The following RCAN2 variants were observed in gnomAD, a reference collection of about 807,000 sequenced individuals.
RCAN2 encodes regulator of calcineurin 2.
RCAN2 carries 9 observed loss-of-function variants against 23.6 expected under a neutral mutation model. The ratio of observed to expected loss-of-function variants is 0.38; its 90% CI spans 0.23 to 0.67. RCAN2 has a LOEUF of 0.67. Among genes scored for constraint, RCAN2 ranks in the 30% least tolerant of loss-of-function variants. RCAN2 has a pLI of 0.51. For synonymous variants in RCAN2, 109 were observed against 115.7 expected, an observed-to-expected ratio of 0.94 and a Z score of 0.37; for missense variants, 273 against 302.3, an observed-to-expected ratio of 0.90 and a Z score of 0.72.
intron 3 of RCAN2, among the ~76,000 whole-genome samples, chr6:46,248,174 C>T (rs1766584756): frequency 6.6e-6 from 1 of 152,158 alleles, no homozygotes; most frequent in South Asian, 2.1e-4. Flanking sequence ...CCAAGAATTA[C>T]TCATTTCATT....
intron 1 of RCAN2, among the ~76,000 whole-genome samples, chr6:46,477,423 G>A (rs1768745834): frequency 6.6e-6 from 1 of 152,190 alleles, no homozygotes; most frequent in African/African-American, 2.4e-5. Flanking sequence ...GATGTTGTGT[G>A]CTGATGCCTG....
chr6:46,277,706 G>C (rs1441197844), intron 2 of RCAN2, among the ~76,000 whole-genome samples: 2 of 151,918 alleles, frequency 1.3e-5, no homozygotes, highest in East Asian at 3.9e-4. Flanking sequence ...ATGCCAGAGG[G>C]AGGCATAGAT....
chr6:46,308,806 A>T (rs1763153008), intron 2 of RCAN2, among the ~76,000 whole-genome samples: 1 of 152,138 alleles, frequency 6.6e-6, no homozygotes, highest in Admixed American at 6.6e-5. Flanking sequence ...AGTAGTTTGA[A>T]GTTACGAGGT....
intron 4 of RCAN2, among the ~76,000 whole-genome samples, chr6:46,231,633 C>T (rs975763704): frequency 6.6e-6 from 1 of 152,154 alleles, no homozygotes; most frequent in African/African-American, 2.4e-5. Context: ...TGGTCTCGAA[C>T]TCCTGATCTC....
intron 2 of RCAN2, among the ~76,000 whole-genome samples, chr6:46,318,197 C>T (rs1232119123): frequency 6.6e-6 from 1 of 152,094 alleles, no homozygotes; most frequent in Non-Finnish European, 1.5e-5. Flanking sequence ...TCACATATTT[C>T]TATAGAACTA....
chr6:46,312,202 C>G (rs755471588), intron 2 of RCAN2, among the ~76,000 whole-genome samples: 9 of 152,194 alleles, frequency 5.9e-5, no homozygotes, highest in Non-Finnish European at 1.3e-4. Context: ...AGTACAAGGA[C>G]ATGGTATCAG....
intron 2 of RCAN2, among the ~76,000 whole-genome samples, chr6:46,257,581 A>G (rs538002835): frequency 1.1e-4 from 17 of 152,272 alleles, no homozygotes; most frequent in African/African-American, 4.1e-4. Context: ...TTATGAAACC[A>G]TCAGATCTCG....
At chr6:46,264,418 T>C (rs1423553707) in intron 2 of RCAN2, among the ~76,000 whole-genome samples, 1 of 152,216 alleles carries the variant, frequency 6.6e-6, no homozygotes, top group Non-Finnish European at 1.5e-5. Context: ...CTTCTTATGA[T>C]TCAATCATTA....
chr6:46,235,109 C>G (rs181564875), intron 4 of RCAN2, among the ~76,000 whole-genome samples: 1 of 152,266 alleles, frequency 6.6e-6, no homozygotes, highest in Admixed American at 6.5e-5. Flanking sequence ...CTAAAATAAT[C>G]AGTATGATTA....
chr6:46,248,769 T>C lies in RCAN2; in HGVS notation c.353A>G (p.His118Arg). Reference sequence around the variant, plus strand: ...TTTTTTCCCTCTGAATTGGGTTTCATGAAGCTCTATCCTAGCTCGGGCTGC... The same window carrying C: ...TTTTTTCCCTCTGAATTGGGTTTCACGAAGCTCTATCCTAGCTCGGGCTGC... ...KSAARARIEL[H>R]ETQFRGKKLK... Residue 118 changes from histidine to arginine, a missense_variant, in exon 3 of 5, where the codon CAT becomes CGT. Coordinates refer to ENST00000371374, the MANE Select transcript of RCAN2 (RefSeq NM_001251974.2). 1 of 1,613,138 alleles carries C rather than the reference T, an allele frequency of 6.2e-7. No individual in the cohort carries two copies.
intron 2 of RCAN2, among the ~76,000 whole-genome samples, chr6:46,309,737 G>A (rs1763192857): frequency 6.6e-6 from 1 of 152,248 alleles, no homozygotes; most frequent in East Asian, 1.9e-4. Context: ...GTGGTCTGTG[G>A]GAAGGGACAC....
intron 2 of RCAN2, among the ~76,000 whole-genome samples, chr6:46,267,706 T>G (rs1212793137): frequency 6.6e-6 from 1 of 152,072 alleles, no homozygotes; most frequent in Non-Finnish European, 1.5e-5. Context: ...GTAAGAAATA[T>G]GAGAAATTGC....
In RCAN2 at chr6:46,491,184, C is replaced by G. The variant is rs1429999146; in HGVS notation, c.-14G>C. ...GTTACATAACCGACCTGCTGGGCGT[C>G]CGCGATGCGCCGGCGGAGGCGGAGG... On this transcript the variant is annotated 5_prime_UTR_variant, in exon 1 of 5. Coordinates refer to ENST00000371374, the MANE Select transcript of RCAN2 (RefSeq NM_001251974.2). 4 of 151,946 alleles carry G rather than the reference C, an allele frequency of 2.6e-5. No individual in the cohort carries two copies. The allele number at this position is 151,946 out of a possible 1,614,324, so 9.4% of individuals were successfully genotyped here. A position where few individuals can be genotyped will look rare whatever the true frequency, so the allele number is the denominator to read the frequency against.
intron 1 of RCAN2, among the ~76,000 whole-genome samples, chr6:46,472,712 C>G (rs1768599970): frequency 6.6e-6 from 1 of 152,136 alleles, no homozygotes; most frequent in Non-Finnish European, 1.5e-5. Flanking sequence ...TACCAAGTAT[C>G]TAGTACAGAC....
At chr6:46,478,329 A>G (rs1768767260) in intron 1 of RCAN2, among the ~76,000 whole-genome samples, 1 of 152,216 alleles carries the variant, frequency 6.6e-6, no homozygotes, top group Non-Finnish European at 1.5e-5. Context: ...AATAACAATG[A>G]TAGTGATATA....
intron 2 of RCAN2, among the ~76,000 whole-genome samples, chr6:46,420,038 T>G (rs914990796): frequency 6.6e-6 from 1 of 152,194 alleles, no homozygotes; most frequent in African/African-American, 2.4e-5. Flanking sequence ...AGACAAGACT[T>G]AAATTATTTT....
intron 2 of RCAN2, among the ~76,000 whole-genome samples, chr6:46,320,571 G>T (rs187632893): frequency 1.1e-4 from 16 of 152,286 alleles, no homozygotes; most frequent in African/African-American, 3.4e-4. Context: ...AATGCACAGA[G>T]CAGTAGGGGA....
intron 2 of RCAN2, among the ~76,000 whole-genome samples, chr6:46,280,682 T>C (rs2150338727): frequency 6.6e-6 from 1 of 152,328 alleles, no homozygotes; most frequent in Non-Finnish European, 1.5e-5. Context: ...GCTGTAGCTT[T>C]TTATGAAATA....
intron 2 of RCAN2, among the ~76,000 whole-genome samples, chr6:46,279,393 A>G (rs1435518314): frequency 6.6e-6 from 1 of 152,204 alleles, no homozygotes; most frequent in Non-Finnish European, 1.5e-5. Flanking sequence ...GGCACTATTG[A>G]CATTTGGGTC....
Sources: allele counts gnomAD v4.1 joint callset (sites outside exome capture counted in the v4.1 genomes callset), GRCh38; gene constraint gnomAD v4.1.1; transcripts MANE v1.5; gene names NCBI Gene and HGNC (gene_info 2026-07-23, HGNC 2026-07-21).